Variants in RBKS observed in about 807,000 individuals in gnomAD.
RBKS encodes the protein ribokinase.
RBKS carries 33 observed loss-of-function variants against 33.9 expected under a neutral mutation model. That is an observed-to-expected ratio of 0.97 (90% CI 0.74 to 1.30). The LOEUF is 1.30. Ranked by LOEUF, RBKS falls within the 50% of genes most tolerant of loss-of-function variation. The probability of loss-of-function intolerance (pLI) is 0.00; values close to 1 mark genes in which losing one functional copy is unlikely to be tolerated. For synonymous variants in RBKS, 125 were observed against 143.0 expected (o/e 0.87, Z 0.90); for missense variants, 361 against 392.6 (o/e 0.92, Z 0.68).
intron 7 of RBKS, among the ~76,000 whole-genome samples, chr2:27,813,702 G>A (rs974484805): frequency 4.6e-5 from 7 of 151,854 alleles, no homozygotes; most frequent in African/African-American, 1.7e-4. Context: ...GAGAGAGAGC[G>A]AATATCTAAT....
At chr2:27,834,231 C>T (rs947634517) in intron 5 of RBKS, among the ~76,000 whole-genome samples, 4 of 152,188 alleles carry the variant, frequency 2.6e-5, no homozygotes, top group Non-Finnish European at 4.4e-5. Context: ...CTGCACCTTC[C>T]TTGGTCTTAC....
chr2:27,863,009 A>C (rs1664019612), intron 1 of RBKS, among the ~76,000 whole-genome samples: 1 of 152,070 alleles, frequency 6.6e-6, no homozygotes, highest in African/African-American at 2.4e-5. Flanking sequence ...AATTAAAAAA[A>C]AAAAGAGGTT....
intron 1 of RBKS, among the ~76,000 whole-genome samples, chr2:27,886,562 T>C (rs2148235200): frequency 6.6e-6 from 1 of 152,088 alleles, no homozygotes; most frequent in South Asian, 2.1e-4. Flanking sequence ...GAGTTAGAGG[T>C]AGAATGATAT....
At chr2:27,879,931 T>C (rs1265171222) in intron 1 of RBKS, among the ~76,000 whole-genome samples, 1 of 152,188 alleles carries the variant, frequency 6.6e-6, no homozygotes, top group Non-Finnish European at 1.5e-5. Context: ...GCTAGTACCA[T>C]TCCTACTGAA....
At chr2:27,881,928 T>C (rs1664424746) in intron 1 of RBKS, among the ~76,000 whole-genome samples, 1 of 152,022 alleles carries the variant, frequency 6.6e-6, no homozygotes, top group Non-Finnish European at 1.5e-5. Context: ...TGAAGATGAA[T>C]TAAAGACAAA....
rs115809393 is a variant in RBKS, at chr2:27,803,650, C to G, written c.796-21862G>C. 7.1e-3 allele frequency among the ~76,000 whole-genome samples: 1,079 copies of G among 151,598 alleles called. 12 individuals are homozygous for G. Among genetic ancestry groups the G allele is most frequent in the African/African-American group, 0.024 (993 of 41,254 alleles). ...GTCACAGTGAGACAAGATTGTGCCCCTGTTGGATTGTGCCACTCCATCCTG... is the reference window on the plus strand; with the variant it reads ...GTCACAGTGAGACAAGATTGTGCCCGTGTTGGATTGTGCCACTCCATCCTG... On this transcript the variant is annotated intron_variant, in intron 7 of 7. Coordinates refer to ENST00000302188, the MANE Select transcript of RBKS (RefSeq NM_022128.3).
At chr2:27,825,035 A>T (rs1678284089) in intron 7 of RBKS, among the ~76,000 whole-genome samples, 1 of 152,018 alleles carries the variant, frequency 6.6e-6, no homozygotes, top group Admixed American at 6.6e-5. Flanking sequence ...CACTTGGGAG[A>T]CTGAGGCAGG....
rs1334595662 is a variant in RBKS, at chr2:27,781,626, T to G, written c.958A>C (p.Thr320Pro). The change falls in exon 8 of 8, where the codon ACT (threonine) becomes CCT (proline). Residue 320 changes from threonine (T) to proline (P), a missense_variant. Transcript: ENST00000302188. ...SYPYKKDLPL[T>P]LF is the part of the protein sequence containing the mutation. ...GGGACTAATAGCAATCAAAACAGAG[T>G]AAGCGGAAGGTCTTTTTTGTAAGGG... is the stretch of plus-strand genomic sequence containing the variant. 2 of 1,610,388 alleles carry G rather than the reference T, an allele frequency of 1.2e-6. No homozygotes were observed. Among genetic ancestry groups the G allele is most frequent in the South Asian group, 2.2e-5 (2 of 90,390 alleles).
intron 1 of RBKS, among the ~76,000 whole-genome samples, chr2:27,877,932 T>C (rs1167253152): frequency 6.6e-6 from 1 of 152,250 alleles, no homozygotes; most frequent in Non-Finnish European, 1.5e-5. Context: ...CATTGGCTTC[T>C]TTTAAATCTG....
Position 27,862,208 on chromosome 2 carries a change from C to T in RBKS, c.90-3637G>A, listed in dbSNP as rs544141489. ...CAGGCGATCCTCCTGCCTCGGCCTC[C>T]CAAAGTGTAGGGATTGCATGCGTGA... is the stretch of plus-strand genomic sequence containing the variant. On this transcript the variant is annotated intron_variant, in intron 1 of 7. Coordinates refer to ENST00000302188, the MANE Select transcript of RBKS (RefSeq NM_022128.3). Among the ~76,000 whole-genome samples the T allele has an allele frequency of 3.9e-3, 592 of 152,036 alleles. 4 individuals carry two copies. The highest frequency in any genetic ancestry group is 4.2e-3 in the Non-Finnish European group (287 of 67,984).
intron 1 of RBKS, chr2:27,870,670 G>A: frequency 2.5e-6 from 1 of 402,848 alleles, no homozygotes; most frequent in South Asian, 1.8e-5. Context: ...CTCTATGGAT[G>A]ACATGGTGTG....
At chr2:27,857,382 T>G (rs1166675677) in intron 2 of RBKS, among the ~76,000 whole-genome samples, 1 of 152,212 alleles carries the variant, frequency 6.6e-6, no homozygotes, top group Non-Finnish European at 1.5e-5. Flanking sequence ...AAGTGAAAAC[T>G]TTTGGCAGCC....
intron 1 of RBKS, among the ~76,000 whole-genome samples, chr2:27,862,665 C>T (rs573456129): frequency 3.5e-4 from 54 of 152,354 alleles, no homozygotes; most frequent in African/African-American, 1.2e-3. Flanking sequence ...TCCTTCTTCC[C>T]TGTCCCCTGC....
At chr2:27,792,021 T>C (rs1409661744) in intron 7 of RBKS, among the ~76,000 whole-genome samples, 3 of 152,174 alleles carry the variant, frequency 2.0e-5, no homozygotes, top group Non-Finnish European at 4.4e-5. Context: ...TGGGTATGTG[T>C]ATTGAGTTAT....
intron 6 of RBKS, among the ~76,000 whole-genome samples, chr2:27,829,363 GTTTTTTT>G (rs35216618): frequency 1.9e-5 from 2 of 107,382 alleles, no homozygotes; most frequent in Non-Finnish European, 3.8e-5. Flanking sequence ...GCTTTTCAGT[GTTTTTTT>G]TTTTTTTTTT....
intron 7 of RBKS, among the ~76,000 whole-genome samples, chr2:27,801,990 A>ATT (rs1558536550): frequency 9.9e-5 from 7 of 70,886 alleles, no homozygotes; most frequent in African/African-American, 3.7e-4. Flanking sequence ...ATATATATAT[A>ATT]TATTTTTTTT....
rs1188628487 is a variant in RBKS at position 27,810,276 on chromosome 2, CAGGTGGT to C, written c.795+17284_795+17290del. Among the ~76,000 whole-genome samples, 3 of 152,108 alleles carry C rather than the reference CAGGTGGT, an allele frequency of 2.0e-5. No individual in the cohort carries two copies. Among genetic ancestry groups the C allele is most frequent in the Admixed American group, 2.0e-4 (3 of 15,282 alleles). ...CAGGAATAAGCTAGTGTCTAAGGCA[CAGGTGGT>C]AGGGCAAGTATCTGAACTAGCATTA... On this transcript the variant is annotated intron_variant, in intron 7 of 7. Transcript: ENST00000302188. The surrounding 1 kb of genome is among the most constrained non-coding windows in gnomAD (Gnocchi z 4.4).
At chr2:27,805,321 T>G (rs1677875771) in intron 7 of RBKS, among the ~76,000 whole-genome samples, 1 of 152,200 alleles carries the variant, frequency 6.6e-6, no homozygotes, top group Non-Finnish European at 1.5e-5. Flanking sequence ...GGGCTTTTCT[T>G]TTCGGTCTCT....
chr2:27,854,011 A>G (rs991872234), intron 2 of RBKS, among the ~76,000 whole-genome samples: 2 of 152,194 alleles, frequency 1.3e-5, no homozygotes, highest in Non-Finnish European at 2.9e-5. Context: ...CTCCCACAGT[A>G]ATCTAGCACA....
Sources: gnomAD v4.1 joint callset for allele counts (sites outside exome capture counted in the v4.1 genomes callset) on GRCh38, gnomAD v4.1.1 for gene constraint, Gnocchi (gnomAD v3.1) non-coding constraint, MANE v1.5 for transcripts, NCBI Gene and HGNC (gene_info 2026-07-23, HGNC 2026-07-21) for gene names.